The following SNTG1 variants were observed in gnomAD, a reference collection of about 807,000 sequenced individuals.
SNTG1 encodes the protein gamma-1-syntrophin.
In SNTG1, 39 loss-of-function variants were observed where a neutral mutation model predicts 74.7. The ratio of observed to expected loss-of-function variants is 0.52; its 90% confidence interval spans 0.40 to 0.68. The LOEUF is 0.68. Among genes scored for constraint, SNTG1 ranks in the 30% least tolerant of loss-of-function variants. SNTG1 has a pLI of 0.00. For synonymous variants in SNTG1, 254 were observed against 217.1 expected (o/e 1.17, Z -1.49); for missense variants, 685 against 609.5 (o/e 1.12, Z -1.30).
At chr8:50,755,426 G>A (rs2095577961) in intron 18 of SNTG1, among the ~76,000 whole-genome samples, 1 of 151,650 alleles carries the variant, frequency 6.6e-6, no homozygotes, top group Non-Finnish European at 1.5e-5. Flanking sequence ...GTCTTTTCAT[G>A]ACTTAATAAC....
At chr8:50,083,130 C>T (rs1193173624) in intron 1 of SNTG1, among the ~76,000 whole-genome samples, 1 of 152,190 alleles carries the variant, frequency 6.6e-6, no homozygotes, top group African/African-American at 2.4e-5. Context: ...GAAGCAATCA[C>T]AGACTGTTAG....
intron 4 of SNTG1, among the ~76,000 whole-genome samples, chr8:50,429,566 G>T (rs924351725): frequency 6.6e-6 from 1 of 152,030 alleles, no homozygotes; most frequent in Non-Finnish European, 1.5e-5. Context: ...TTTGACATTG[G>T]TTCAGGCAAT....
chr8:50,201,051 A>G (rs1456184522), intron 2 of SNTG1, among the ~76,000 whole-genome samples: 2 of 152,130 alleles, frequency 1.3e-5, no homozygotes, highest in African/African-American at 2.4e-5. Context: ...CTCTAACATC[A>G]TGGCTTGCTT....
At chr8:50,210,867 AT>A (rs1216507801) in intron 2 of SNTG1, among the ~76,000 whole-genome samples, 7 of 152,196 alleles carry the variant, frequency 4.6e-5, no homozygotes, top group Non-Finnish European at 1.0e-4. Context: ...AGGTTAAAAA[AT>A]GTACCATATT....
intron 8 of SNTG1, among the ~76,000 whole-genome samples, chr8:50,500,775 C>T (rs1351099823): frequency 2.0e-5 from 3 of 152,014 alleles, no homozygotes; most frequent in Admixed American, 1.3e-4. Flanking sequence ...TGATTTATCT[C>T]GTGTCACTGG....
At chr8:50,759,820 C>T (rs1276596586) in intron 18 of SNTG1, among the ~76,000 whole-genome samples, 3 of 152,026 alleles carry the variant, frequency 2.0e-5, no homozygotes, top group Non-Finnish European at 4.4e-5. Flanking sequence ...ATTGTCCTGG[C>T]TATGTGGGCT....
At chr8:50,168,588 T>C (rs1369215510) in intron 1 of SNTG1, among the ~76,000 whole-genome samples, 2 of 152,190 alleles carry the variant, frequency 1.3e-5, no homozygotes, top group Non-Finnish European at 1.5e-5. Flanking sequence ...TATATATGTA[T>C]GTTATAAAGC....
intron 2 of SNTG1, among the ~76,000 whole-genome samples, chr8:50,290,818 GC>G (rs1361399764): frequency 6.6e-6 from 1 of 151,912 alleles, no homozygotes; most frequent in Non-Finnish European, 1.5e-5. Flanking sequence ...GAGTGCAATG[GC>G]GTGATCTCAG....
At chr8:50,697,038 T>A (rs1357685005) in intron 15 of SNTG1, among the ~76,000 whole-genome samples, 1 of 152,150 alleles carries the variant, frequency 6.6e-6, no homozygotes, top group Non-Finnish European at 1.5e-5. Context: ...TTGGGAAATA[T>A]GGCCATTTTA....
intron 2 of SNTG1, among the ~76,000 whole-genome samples, chr8:50,284,263 T>C (rs1214865250): frequency 6.6e-6 from 1 of 152,086 alleles, no homozygotes; most frequent in Non-Finnish European, 1.5e-5. Flanking sequence ...AAACATAAGA[T>C]GTTTTTCTTA....
At chr8:50,509,541 C>T (rs1404685317) in intron 9 of SNTG1, among the ~76,000 whole-genome samples, 1 of 152,100 alleles carries the variant, frequency 6.6e-6, no homozygotes, top group Non-Finnish European at 1.5e-5. Context: ...ATTCTTCCTA[C>T]CCATGAGCAT....
At chr8:50,552,486 A>T (rs2094432852) in intron 11 of SNTG1, among the ~76,000 whole-genome samples, 2 of 152,216 alleles carry the variant, frequency 1.3e-5, no homozygotes, top group Admixed American at 6.5e-5. Context: ...GATCATTTAC[A>T]CCTGGAAAGA....
chr8:50,469,121 T>C (rs2093631869), intron 8 of SNTG1, among the ~76,000 whole-genome samples: 1 of 152,154 alleles, frequency 6.6e-6, no homozygotes. Flanking sequence ...TTCAGACTTG[T>C]GTCATTTTTC....
Position 50,647,893 on chromosome 8 carries a change from T to A in SNTG1, c.850-9016T>A, listed in dbSNP as rs556575780. ...TATGCCTGTAATTCCCATTTTTACATTTTTTTTTTAGAAATTAAGAGATAC... is the reference window on the plus strand; with the variant it reads ...TATGCCTGTAATTCCCATTTTTACAATTTTTTTTTAGAAATTAAGAGATAC... On this transcript the variant is annotated intron_variant, in intron 13 of 18. Coordinates refer to ENST00000642720, the MANE Select transcript of SNTG1 (RefSeq NM_018967.5). Among the ~76,000 whole-genome samples, 463 of 92,726 alleles carry A rather than the reference T, an allele frequency of 5.0e-3. 3 individuals carry two copies. The highest frequency in any genetic ancestry group is 0.022 in the African/African-American group (445 of 20,136). 60.8% of individuals were successfully genotyped at this position (92,726 alleles called of 152,430 possible).
At chr8:50,302,265 G>C (rs1266338147) in intron 2 of SNTG1, among the ~76,000 whole-genome samples, 1 of 152,186 alleles carries the variant, frequency 6.6e-6, no homozygotes, top group Non-Finnish European at 1.5e-5. Flanking sequence ...TAAGGGTTCA[G>C]TTAGCTGGGC....
chr8:50,416,949 T>C (rs923397510), intron 4 of SNTG1, among the ~76,000 whole-genome samples: 2 of 152,142 alleles, frequency 1.3e-5, no homozygotes, highest in Non-Finnish European at 2.9e-5. Flanking sequence ...GCTTCAAATG[T>C]CACATAAAGT....
chr8:50,759,468 C>T (rs917035058), intron 18 of SNTG1, among the ~76,000 whole-genome samples: 4 of 151,932 alleles, frequency 2.6e-5, no homozygotes, highest in African/African-American at 9.7e-5. Context: ...TTTAATCCAT[C>T]TTGAGTTAAT....
intron 2 of SNTG1, among the ~76,000 whole-genome samples, chr8:50,379,862 G>A (rs2092452634): frequency 6.6e-6 from 1 of 152,214 alleles, no homozygotes; most frequent in African/African-American, 2.4e-5. Flanking sequence ...ACATTTCCCA[G>A]TCCCAGCATG....
intron 2 of SNTG1, among the ~76,000 whole-genome samples, chr8:50,363,323 A>G (rs999240818): frequency 3.9e-5 from 6 of 152,142 alleles, no homozygotes; most frequent in African/African-American, 1.4e-4. Context: ...TTGATAGTGC[A>G]AAGGTGGTGA....
Sources: gnomAD v4.1 joint callset for allele counts (sites outside exome capture counted in the v4.1 genomes callset) on GRCh38, gnomAD v4.1.1 for gene constraint, MANE v1.5 for transcripts, NCBI Gene and HGNC (gene_info 2026-07-23, HGNC 2026-07-21) for gene names.